The following MED1 variants were observed in gnomAD, a reference collection of about 807,000 sequenced individuals.
MED1 encodes the protein mediator of RNA polymerase II transcription subunit 1.
In MED1, 17 loss-of-function variants were observed where a neutral mutation model predicts 121.3. The ratio of observed to expected loss-of-function variants is 0.14; its 90% confidence interval spans 0.10 to 0.21. MED1 has a LOEUF of 0.21. Among genes scored for constraint, MED1 ranks in the 10% least tolerant of loss-of-function variants. MED1 has a pLI of 1.00. For missense variants in MED1, 1,558 were observed against 1,919.4 expected, an observed-to-expected ratio of 0.81 and a Z score of 3.52; for synonymous variants, 661 against 694.4, an observed-to-expected ratio of 0.95 and a Z score of 0.76.
chr17:39,415,840 A>G (rs947408116), intron 14 of MED1, among the ~76,000 whole-genome samples: 2 of 127,172 alleles, frequency 1.6e-5, no homozygotes, highest in Non-Finnish European at 1.7e-5. Flanking sequence ...AAAAAAAAAA[A>G]TTAGCCGGGT....
chr17:39,407,545 C>T lies in MED1; in HGVS notation c.4676G>A (p.Arg1559Lys), dbSNP rs757772757. Residue 1559 changes from arginine to lysine, a missense_variant, in exon 17 of 17, where the codon AGG becomes AAG. This residue lies in a region of MED1 where 264 missense variants were observed against 326.1 expected (regional missense o/e 0.81). Coordinates refer to ENST00000300651, the MANE Select transcript of MED1 (RefSeq NM_004774.4). ...NTILSADRPS[R>K]LSPDFMIGEE... ...CCCAATCATAAAGTCTGGGCTGAGC[C>T]TTGAGGGTCTGTCTGCAGATAAGAT... The T allele has an allele frequency of 1.9e-6, 3 of 1,613,968 alleles. No homozygotes were observed. Among genetic ancestry groups the T allele is most frequent in the Admixed American group, 1.7e-5 (1 of 59,980 alleles).
chr17:39,442,591 C>T (rs1163949726), intron 3 of MED1, among the ~76,000 whole-genome samples: 10 of 116,740 alleles, frequency 8.6e-5, no homozygotes, highest in East Asian at 5.0e-4. Flanking sequence ...AGTGAGACAC[C>T]GTCTCGGAAA....
Position 39,405,944 on chromosome 17 carries a change from GGACCATGCCCCATCCCGCT to G in MED1, c.*1512_*1530del, listed in dbSNP as rs2048299720. ...TTTTAACCCAGAAGAGTTGTGCTGG[GGACCATGCCCCATCCCGCT>G]GATACAGATCCTGAATGGAATAATC... On this transcript the variant is annotated 3_prime_UTR_variant, in exon 17 of 17. Transcript: ENST00000300651. 1.0e-6 allele frequency: 1 copy of G among 985,176 alleles called. No homozygotes were observed. The highest frequency in any genetic ancestry group is 6.2e-5 in the Admixed American group (1 of 16,248). The allele number at this position is 985,176 out of a possible 1,614,324, so 61.0% of individuals were successfully genotyped here.
chr17:39,437,119 A>G (rs569426810), intron 6 of MED1, among the ~76,000 whole-genome samples: 2 of 152,180 alleles, frequency 1.3e-5, no homozygotes, highest in South Asian at 4.2e-4. Flanking sequence ...TTTAGTAGAG[A>G]CGGGGTTTCT....
intron 6 of MED1, among the ~76,000 whole-genome samples, chr17:39,437,236 A>G (rs1369590515): frequency 6.6e-6 from 1 of 151,784 alleles, no homozygotes; most frequent in African/African-American, 2.4e-5. Context: ...CTGGCCTCAC[A>G]TTCAGCAATT....
intron 7 of MED1, among the ~76,000 whole-genome samples, chr17:39,433,196 C>G (rs1209577508): frequency 1.3e-5 from 2 of 151,678 alleles, no homozygotes; most frequent in African/African-American, 4.8e-5. Context: ...GAGCAAGAGT[C>G]CATCTCAAAA....
Position 39,407,700 on chromosome 17 carries a change from T to C in MED1, c.4521A>G (p.Val1507=). ...GGTCTCGGTCCCTATCTTTGTCTTTTACTTTCTTCTTTTCCTTTTTGTGCT... is the reference window on the plus strand; with the variant it reads ...GGTCTCGGTCCCTATCTTTGTCTTTCACTTTCTTCTTTTCCTTTTTGTGCT... The part of the protein sequence containing the change: ...HKKHKKEKKK[V]KDKDRDRDRD... Residue 1507 remains valine, a synonymous_variant, in exon 17 of 17, where the codon GTA becomes GTG. Coordinates refer to ENST00000300651, the MANE Select transcript of MED1 (RefSeq NM_004774.4). 3 of 1,614,154 alleles carry C rather than the reference T, an allele frequency of 1.9e-6. No homozygotes were observed. Among genetic ancestry groups the C allele is most frequent in the South Asian group, 1.1e-5 (1 of 91,086 alleles).
chr17:39,434,121 A>G, intron 7 of MED1, 128 bp downstream of exon 7: 1 of 616,554 alleles, frequency 1.6e-6, no homozygotes, highest in Non-Finnish European at 2.8e-6. Flanking sequence ...GCTGAGCTAC[A>G]GATTGCAGTA....
intron 13 of MED1, among the ~76,000 whole-genome samples, chr17:39,421,085 C>T (rs141730521): frequency 0.01 from 1,525 of 151,092 alleles, 30 homozygotes; most frequent in African/African-American, 0.036. Context: ...CGTGAGCCAC[C>T]GCTCCCGGCC....
intron 6 of MED1, among the ~76,000 whole-genome samples, chr17:39,434,902 G>A (rs559146862): frequency 2.6e-5 from 4 of 152,050 alleles, no homozygotes; most frequent in East Asian, 1.9e-4. Context: ...CACAGTCCTC[G>A]CGCCTGTAAT....
intron 13 of MED1, among the ~76,000 whole-genome samples, chr17:39,421,437 C>G (rs926654701): frequency 6.8e-6 from 1 of 147,788 alleles, no homozygotes; most frequent in Non-Finnish European, 1.5e-5. Flanking sequence ...ACAGTCCCAG[C>G]TACTCAGGAG....
intron 2 of MED1, 101 bp downstream of exon 2, chr17:39,447,697 T>G: frequency 1.3e-6 from 1 of 772,952 alleles, no homozygotes. Flanking sequence ...TGTATTCAGA[T>G]GTTTTATGAA....
intron 2 of MED1, among the ~76,000 whole-genome samples, chr17:39,445,022 T>C (rs914583940): frequency 8.5e-5 from 13 of 152,156 alleles, no homozygotes; most frequent in Admixed American, 3.9e-4. Flanking sequence ...TTTTCCATGT[T>C]GCAAATAAAT....
intron 13 of MED1, among the ~76,000 whole-genome samples, chr17:39,423,027 G>A (rs1057487477): frequency 4.6e-5 from 7 of 151,334 alleles, no homozygotes; most frequent in South Asian, 2.1e-4. Flanking sequence ...CACCACACAC[G>A]GCTAATTTTT....
intron 9 of MED1, among the ~76,000 whole-genome samples, chr17:39,429,455 G>C (rs1279589932): frequency 6.6e-6 from 1 of 151,034 alleles, no homozygotes; most frequent in Non-Finnish European, 1.5e-5. Context: ...CAGCACTTTG[G>C]GAGGCCGAGA....
chr17:39,408,259 C>G lies in MED1; in HGVS notation c.3962G>C (p.Gly1321Ala). Residue 1321 changes from glycine to alanine, a missense_variant, in exon 17 of 17, where the codon GGT becomes GCT. Physicochemically the swap from Gly to Ala is moderately conservative, Grantham distance 60. This residue lies in a region of MED1 where 264 missense variants were observed against 326.1 expected (regional missense o/e 0.81). Transcript: ENST00000300651. The surrounding 1 kb of genome is among the most constrained non-coding windows in gnomAD (Gnocchi z 4.7). ...KHGVVTSGPG[G>A]EDPLDGQMGV... ...CATCTGGCCGTCCAGTGGGTCTTCA[C>G]CCCCAGGGCCACTGGTGACAACCCC... 2 of 1,614,120 alleles carry G rather than the reference C, an allele frequency of 1.2e-6. No homozygotes were observed. The highest frequency in any genetic ancestry group is 1.7e-6 in the Non-Finnish European group (2 of 1,180,038).
Position 39,405,077 on chromosome 17 carries a change from A to G in MED1, c.*2398T>C. 6.7e-6 allele frequency: 6 copies of G among 897,368 alleles called. No homozygotes were observed. Among genetic ancestry groups the G allele is most frequent in the Non-Finnish European group, 9.5e-6 (6 of 630,984 alleles). 55.6% of individuals were successfully genotyped at this position (897,368 alleles called of 1,614,324 possible). ...TCATGTCCTTGCCTTCTTTTGAAAC[A>G]GAAGAATGAGTACACCTAGACAGGA... On this transcript the variant is annotated 3_prime_UTR_variant, in exon 17 of 17. Coordinates refer to ENST00000300651, the MANE Select transcript of MED1 (RefSeq NM_004774.4).
Position 39,407,537 on chromosome 17 carries a change from G to A in MED1, c.4684C>T (p.Pro1562Ser), listed in dbSNP as rs376960384. ...LSADRPSRLS[P>S]DFMIGEEDDD... ...TCTTCCTCCCCAATCATAAAGTCTG[G>A]GCTGAGCCTTGAGGGTCTGTCTGCA... The change falls in exon 17 of 17, where the codon CCA becomes TCA. Residue 1562 changes from proline (P) to serine (S), a missense_variant. Pro to Ser is a moderately conservative substitution (Grantham distance 74, BLOSUM62 -1). Around this residue, in one of 5 missense-constraint regions of MED1, gnomAD observed 264 missense variants for 326.1 expected, o/e 0.81. Coordinates refer to ENST00000300651, the MANE Select transcript of MED1 (RefSeq NM_004774.4). 3 of 1,614,010 alleles carry A rather than the reference G, an allele frequency of 1.9e-6. No homozygotes were observed. The highest frequency in any genetic ancestry group is 2.5e-6 in the Non-Finnish European group (3 of 1,180,008).
Position 39,404,975 on chromosome 17 carries a change from T to C in MED1, c.*2500A>G, listed in dbSNP as rs2048291860. The C allele has an allele frequency of 2.8e-6, 1 of 357,164 alleles. No homozygotes were observed. The highest frequency in any genetic ancestry group is 5.0e-6 in the Non-Finnish European group (1 of 198,046). The allele number at this position is 357,164 out of a possible 1,614,324, so 22.1% of individuals were successfully genotyped here. On this transcript the variant is annotated 3_prime_UTR_variant, in exon 17 of 17. Transcript: ENST00000300651. ...ATGACCAAGAACCCCTAATGTTAAGTCAAAAGACAGAAGAGGAATCAGGTC... is the reference window on the plus strand; with the variant it reads ...ATGACCAAGAACCCCTAATGTTAAGCCAAAAGACAGAAGAGGAATCAGGTC...
Sources: gnomAD v4.1 joint callset for allele counts (sites outside exome capture counted in the v4.1 genomes callset) on GRCh38, gnomAD v4.1.1 for gene constraint, gnomAD v4.1.1 regional missense constraint, Gnocchi (gnomAD v3.1) non-coding constraint, MANE v1.5 for transcripts, NCBI Gene and HGNC (gene_info 2026-07-23, HGNC 2026-07-21) for gene names.